Variants in NIPAL2 observed in about 807,000 individuals in gnomAD.
NIPAL2 encodes NIPA-like protein 2.
Under a neutral mutation model 48.9 loss-of-function variants are expected in NIPAL2, and 43 were observed. The observed-to-expected ratio is 0.88, with a 90% CI of 0.69 to 1.13. The LOEUF is 1.13. Among genes scored for constraint, NIPAL2 ranks in the 50% most tolerant of loss-of-function variants. NIPAL2 has a pLI of 0.00. For missense variants in NIPAL2, 446 were observed against 461.4 expected (o/e 0.97, Z 0.31); for synonymous variants, 167 against 174.6 (o/e 0.96, Z 0.34).
intron 1 of NIPAL2, among the ~76,000 whole-genome samples, chr8:98,275,014 G>C (rs558136424): frequency 6.6e-6 from 1 of 151,954 alleles, no homozygotes; most frequent in African/African-American, 2.4e-5. Context: ...TTCATAGTAG[G>C]TTGCAAATAA....
At chr8:98,251,624 C>T (rs1424443999) in intron 3 of NIPAL2, 12 of 152,090 alleles carry the variant, frequency 7.9e-5, no homozygotes, top group East Asian at 7.7e-4. Flanking sequence ...AAATTCTCTT[C>T]GAATCTACAT....
chr8:98,210,149 T>A (rs1172155829), intron 6 of NIPAL2, among the ~76,000 whole-genome samples: 2 of 152,094 alleles, frequency 1.3e-5, no homozygotes, highest in Non-Finnish European at 2.9e-5. Context: ...TTTGCCTTTT[T>A]AATTAATTTT....
chr8:98,232,815 GACCTTGGGCAGGTTACTTA>G (rs1387752439), intron 4 of NIPAL2, among the ~76,000 whole-genome samples: 1 of 152,136 alleles, frequency 6.6e-6, no homozygotes, highest in African/African-American at 2.4e-5. Flanking sequence ...CTAGTTATAT[GACCTTGGGCAGGTTACTTA>G]ACCTTGCTAA....
intron 1 of NIPAL2, among the ~76,000 whole-genome samples, chr8:98,276,465 A>G (rs1045653310): frequency 2.0e-5 from 3 of 152,186 alleles, no homozygotes; most frequent in Admixed American, 1.3e-4. Flanking sequence ...CTATTCAGCT[A>G]CTGAAGGACA....
At chr8:98,237,051 T>C (rs1186153457) in intron 3 of NIPAL2, among the ~76,000 whole-genome samples, 2 of 151,864 alleles carry the variant, frequency 1.3e-5, no homozygotes, top group Non-Finnish European at 2.9e-5. Flanking sequence ...TCTAAATCTA[T>C]AGTCCACTCT....
intron 3 of NIPAL2, among the ~76,000 whole-genome samples, chr8:98,238,043 C>T (rs1812803040): frequency 6.6e-6 from 1 of 152,184 alleles, no homozygotes; most frequent in South Asian, 2.1e-4. Context: ...CAGTTGTTCT[C>T]TTTCCCATTA....
rs368552051 is a variant in NIPAL2, at chr8:98,274,271, C to CTCTA, written c.135+19728_135+19731dup. On this transcript the variant is annotated intron_variant, in intron 1 of 10. Coordinates refer to ENST00000430223, the MANE Select transcript of NIPAL2 (RefSeq NM_001321635.2). ...CTATCATCTATCTATCTATCTATCT[C>CTCTA]TCTATCTATCTATCTATCCATCCAC... 3.2e-3 allele frequency among the ~76,000 whole-genome samples: 490 copies of CTCTA among 151,492 alleles called. 1 individual carries two copies. The highest frequency in any genetic ancestry group is 0.011 in the African/African-American group (456 of 41,392).
chr8:98,284,459 A>G (rs914605600), intron 1 of NIPAL2, among the ~76,000 whole-genome samples: 6 of 151,902 alleles, frequency 3.9e-5, no homozygotes, highest in African/African-American at 1.5e-4. Flanking sequence ...CACAATGTAT[A>G]TTACAAAAAA....
chr8:98,284,587 C>T (rs1026637898), intron 1 of NIPAL2, among the ~76,000 whole-genome samples: 1 of 151,936 alleles, frequency 6.6e-6, no homozygotes, highest in Admixed American at 6.6e-5. Flanking sequence ...ACATTTTGGA[C>T]CCTCATTGAT....
intron 1 of NIPAL2, among the ~76,000 whole-genome samples, chr8:98,263,641 T>C (rs201008230): frequency 1.3e-3 from 184 of 143,882 alleles, no homozygotes; most frequent in African/African-American, 4.5e-3. Flanking sequence ...TAATCAATAG[T>C]TTACCAACCA....
intron 4 of NIPAL2, among the ~76,000 whole-genome samples, chr8:98,226,675 C>T (rs1429570400): frequency 1.3e-5 from 2 of 152,184 alleles, no homozygotes; most frequent in Non-Finnish European, 2.9e-5. Context: ...ACAAGCACCC[C>T]TGTGGCCACT....
At chr8:98,283,303 A>G (rs555718507) in intron 1 of NIPAL2, among the ~76,000 whole-genome samples, 5 of 152,340 alleles carry the variant, frequency 3.3e-5, no homozygotes, top group African/African-American at 1.2e-4. Flanking sequence ...TTTATGGAAA[A>G]AGCAATACAT....
At chr8:98,292,575 A>G (rs10103296) in intron 1 of NIPAL2, among the ~76,000 whole-genome samples, 24,055 of 152,108 alleles carry the variant, frequency 0.16, 3,129 homozygotes, top group African/African-American at 0.37. Context: ...TATTTGCCTC[A>G]CATTTATGTC....
chr8:98,225,979 A>T (rs115331894), intron 4 of NIPAL2, among the ~76,000 whole-genome samples: 1 of 151,546 alleles, frequency 6.6e-6, no homozygotes, highest in Non-Finnish European at 1.5e-5. Context: ...CTTCTGCTTG[A>T]TCATTTCTGC....
intron 8 of NIPAL2, among the ~76,000 whole-genome samples, chr8:98,198,813 T>C (rs1810674789): frequency 6.6e-6 from 1 of 152,238 alleles, no homozygotes; most frequent in Non-Finnish European, 1.5e-5. Context: ...CTTAAGGGAA[T>C]GTTGTGACTG....
At position 98,191,279 on chromosome 8, in the gene NIPAL2, C is replaced by A. The variant is rs1237972938; in HGVS notation, c.*1699G>T. The A allele has an allele frequency of 1.3e-5, 2 of 152,158 alleles. No homozygotes were observed. Among genetic ancestry groups the A allele is most frequent in the Non-Finnish European group, 2.9e-5 (2 of 68,042 alleles). 9.4% of individuals were successfully genotyped at this position (152,158 alleles called of 1,614,324 possible). ...CACCAGAAATCTGTAGTTTAAGGCA[C>A]CAGATACATTTCTTGGCTGAGCCTT... is the stretch of plus-strand genomic sequence containing the variant. On this transcript the variant is annotated 3_prime_UTR_variant, in exon 11 of 11. Coordinates refer to ENST00000430223, the MANE Select transcript of NIPAL2 (RefSeq NM_001321635.2).
chr8:98,280,559 C>A (rs1050618772), intron 1 of NIPAL2, among the ~76,000 whole-genome samples: 5 of 151,640 alleles, frequency 3.3e-5, no homozygotes, highest in Admixed American at 1.3e-4. Flanking sequence ...ATGGTGAACT[C>A]TTAGGAATGA....
chr8:98,195,903 T>C (rs759414735), intron 9 of NIPAL2, 39 bp downstream of exon 9: 6 of 1,413,514 alleles, frequency 4.2e-6, no homozygotes, highest in Admixed American at 3.7e-5. Context: ...GTAAAAGTAA[T>C]AGAATTTCAC....
At chr8:98,249,648 AT>A (rs950458891) in intron 3 of NIPAL2, among the ~76,000 whole-genome samples, 5 of 147,580 alleles carry the variant, frequency 3.4e-5, no homozygotes, top group African/African-American at 1.2e-4. Flanking sequence ...ATATAATTAT[AT>A]TAAATATAAT....
Sources: gnomAD v4.1 joint callset for allele counts (sites outside exome capture counted in the v4.1 genomes callset) on GRCh38, gnomAD v4.1.1 for gene constraint, MANE v1.5 for transcripts, NCBI Gene and HGNC (gene_info 2026-07-23, HGNC 2026-07-21) for gene names.